The following PCDHA12 variants were observed in gnomAD, a reference collection of about 807,000 sequenced individuals.
PCDHA12 encodes protocadherin alpha-12.
In PCDHA12, 44 loss-of-function variants were observed where a neutral mutation model predicts 60.0. The ratio of observed to expected loss-of-function variants is 0.73; its 90% CI spans 0.58 to 0.94. PCDHA12 has a LOEUF of 0.94. Ranked by LOEUF, PCDHA12 falls within the 40% of genes least tolerant of loss-of-function variation. PCDHA12 has a pLI of 0.00. For synonymous variants in PCDHA12, 569 were observed against 553.0 expected, an observed-to-expected ratio of 1.03 and a Z score of -0.40; for missense variants, 1,276 against 1,239.7, an observed-to-expected ratio of 1.03 and a Z score of -0.44.
chr5:140,877,501 A>G lies in PCDHA12; in HGVS notation c.2029A>G (p.Lys677Glu), dbSNP rs2057165784. The change falls in exon 1 of 4, where the codon AAG becomes GAG. Residue 677 changes from lysine to glutamate, a missense_variant. Lys to Glu is a moderately conservative substitution (Grantham distance 56). Coordinates refer to ENST00000398631, the MANE Select transcript of PCDHA12 (RefSeq NM_018903.4). ...GCTGGTGGAGAACGGCCAGGCCCCA[A>G]AGACGTCGTCGCGGGCCTCAGTGGG... ...VSLVENGQAPKTSSRASVGAV... is the reference protein window; with the variant it reads ...VSLVENGQAPETSSRASVGAV... 3.1e-6 allele frequency: 5 copies of G among 1,613,804 alleles called. No homozygotes were observed. In the East Asian group the frequency reaches 1.1e-4, roughly 36 times the overall value.
chr5:140,923,963 A>G (rs1172303229), intron 1 of PCDHA12, among the ~76,000 whole-genome samples: 1 of 152,188 alleles, frequency 6.6e-6, no homozygotes, highest in African/African-American at 2.4e-5. Context: ...CCTAATCTAT[A>G]CCCACACATA....
Position 140,918,963 on chromosome 5 carries a change from A to C in PCDHA12, c.2367+41124A>C, listed in dbSNP as rs74470631. ...TAATATCCTGAACAGACTAAGACAGATATCGTTTAGGTTAGTTGGTTTTTA... is the reference window on the plus strand; with the variant it reads ...TAATATCCTGAACAGACTAAGACAGCTATCGTTTAGGTTAGTTGGTTTTTA... On this transcript the variant is annotated intron_variant, in intron 1 of 3. Transcript: ENST00000398631. Among the ~76,000 whole-genome samples the C allele has an allele frequency of 4.6e-3, 702 of 152,330 alleles. 2 individuals are homozygous for C. Among genetic ancestry groups the C allele is most frequent in the African/African-American group, 0.016 (679 of 41,576 alleles).
At position 140,877,599 on chromosome 5, in the gene PCDHA12, C is replaced by T. The variant is rs1325384029; in HGVS notation, c.2127C>T (p.Ser709=). The change falls in exon 1 of 4, where the codon AGC becomes AGT. Residue 709 remains serine, a synonymous_variant. Transcript: ENST00000398631. ...YLIIAICAVS[S]LLVLTLLLYT... is the part of the protein sequence containing the mutation. ...TCATCGCCATCTGTGCGGTGTCCAGCCTGCTGGTGCTCACGCTGCTGCTGT... is the reference window on the plus strand; with the variant it reads ...TCATCGCCATCTGTGCGGTGTCCAGTCTGCTGGTGCTCACGCTGCTGCTGT... The T allele has an allele frequency of 3.1e-6, 5 of 1,613,882 alleles. No homozygotes were observed. The highest frequency in any genetic ancestry group is 2.2e-5 in the East Asian group (1 of 44,872).
At chr5:140,968,355 G>A in intron 1 of PCDHA12, 1 of 1,614,080 alleles carries the variant, frequency 6.2e-7, no homozygotes, top group South Asian at 1.1e-5. Context: ...GCCAGTGGCA[G>A]CCTTTATGCT....
chr5:140,993,786 C>G (rs2097581960), intron 3 of PCDHA12, among the ~76,000 whole-genome samples: 1 of 152,162 alleles, frequency 6.6e-6, no homozygotes, highest in Admixed American at 6.5e-5. Flanking sequence ...TGTACAGTAA[C>G]ATGCTGTGCA....
intron 1 of PCDHA12, chr5:140,969,244 G>C: frequency 6.2e-7 from 1 of 1,614,206 alleles, no homozygotes; most frequent in Non-Finnish European, 8.5e-7. Flanking sequence ...AAGCAGCAGT[G>C]ACTGACAGCA....
At chr5:140,916,323 C>G (rs1035282237) in intron 1 of PCDHA12, among the ~76,000 whole-genome samples, 2 of 152,210 alleles carry the variant, frequency 1.3e-5, no homozygotes. Flanking sequence ...ACAAAGTCCC[C>G]TTTACTTTTT....
chr5:140,926,806 C>T, intron 1 of PCDHA12: 1 of 1,456,722 alleles, frequency 6.9e-7, no homozygotes, highest in Non-Finnish European at 9.0e-7. Flanking sequence ...CTCTTCCCCG[C>T]GGCTCGTGCT....
At chr5:140,992,019 G>C (rs1326705755) in intron 3 of PCDHA12, among the ~76,000 whole-genome samples, 2 of 50,642 alleles carry the variant, frequency 3.9e-5, no homozygotes, top group African/African-American at 6.0e-5. Context: ...AGGTGGCTCT[G>C]TGTGTGTGTG....
At chr5:140,928,165 C>T (rs1554205580) in intron 1 of PCDHA12, 3 of 1,614,200 alleles carry the variant, frequency 1.9e-6, no homozygotes, top group East Asian at 2.2e-5. Context: ...CTCACCCCCA[C>T]TTAGCACCCG....
rs149972776 is a variant in PCDHA12, at chr5:140,883,738, C to G, written c.2367+5899C>G. On this transcript the variant is annotated intron_variant, in intron 1 of 3. Transcript: ENST00000398631. The stretch of plus-strand genomic sequence containing the variant: ...CGGACGCACAGGAGAACGCGCTGGT[C>G]TCCTACTCGCTGGTGGAGCGGCGGG... 852 of 1,613,378 alleles carry G rather than the reference C, an allele frequency of 5.3e-4. 5 individuals carry two copies. In the African/African-American group the frequency reaches 9.2e-3, roughly 17 times the overall value.
chr5:141,001,126 C>A (rs2097993222), intron 3 of PCDHA12, among the ~76,000 whole-genome samples: 1 of 151,970 alleles, frequency 6.6e-6, no homozygotes, highest in African/African-American at 2.4e-5. Context: ...AGTCCTTAAA[C>A]AAATGAATCT....
chr5:140,957,702 A>C (rs930331275), intron 1 of PCDHA12, among the ~76,000 whole-genome samples: 4 of 152,158 alleles, frequency 2.6e-5, no homozygotes, highest in Non-Finnish European at 5.9e-5. Context: ...AACATTATGT[A>C]GTTTTTATTA....
intron 3 of PCDHA12, among the ~76,000 whole-genome samples, chr5:141,005,129 C>T (rs1554259896): frequency 6.6e-6 from 1 of 152,180 alleles, no homozygotes; most frequent in African/African-American, 2.4e-5. Context: ...CCAAAAGTGC[C>T]TCATTGGAGA....
At chr5:140,917,337 G>GA (rs1240219857) in intron 1 of PCDHA12, among the ~76,000 whole-genome samples, 3 of 142,560 alleles carry the variant, frequency 2.1e-5, no homozygotes, top group Non-Finnish European at 4.7e-5. Context: ...GGGAGGGGGG[G>GA]GATGGTGTAG....
chr5:140,876,434 A>G lies in PCDHA12; in HGVS notation c.962A>G (p.Asn321Ser), dbSNP rs2056340599. The change falls in exon 1 of 4, where the codon AAC (asparagine) becomes AGC (serine). Residue 321 changes from asparagine to serine, a missense_variant. Coordinates refer to ENST00000398631, the MANE Select transcript of PCDHA12 (RefSeq NM_018903.4). Reference protein sequence around the residue: ...EENNAYEIQVNAIDKGIPSMA... With the variant: ...EENNAYEIQVSAIDKGIPSMA... ...AATAATGCCTATGAAATTCAGGTTA[A>G]CGCCATTGATAAAGGGATTCCTTCC... 2 of 1,613,976 alleles carry G rather than the reference A, an allele frequency of 1.2e-6. No individual in the cohort carries two copies. The highest frequency in any genetic ancestry group is 1.7e-6 in the Non-Finnish European group (2 of 1,179,896).
In PCDHA12 at chr5:140,882,516, T is replaced by C. The variant is rs782263799; in HGVS notation, c.2367+4677T>C. ...CTGGAGGTAAATCTGCAGAATGGCA[T>C]TTTGTTTGTGAATTCTCGGATCGAC... is the stretch of plus-strand genomic sequence containing the variant. On this transcript the variant is annotated intron_variant, in intron 1 of 3. Coordinates refer to ENST00000398631, the MANE Select transcript of PCDHA12 (RefSeq NM_018903.4). 1.4e-5 allele frequency: 22 copies of C among 1,614,068 alleles called. No individual in the cohort carries two copies. The highest frequency in any genetic ancestry group is 4.0e-5 in the African/African-American group (3 of 74,944).
intron 1 of PCDHA12, among the ~76,000 whole-genome samples, chr5:140,892,881 A>G (rs1562868071): frequency 6.6e-6 from 1 of 152,120 alleles, no homozygotes. Context: ...TTTCGTATCC[A>G]TTAACCAACC....
intron 1 of PCDHA12, among the ~76,000 whole-genome samples, chr5:140,921,661 A>C (rs1554200347): frequency 1.3e-5 from 2 of 152,226 alleles, no homozygotes; most frequent in African/African-American, 4.8e-5. Context: ...CTTAATAAAA[A>C]TTTAACAGTT....
Sources: allele counts gnomAD v4.1 joint callset (sites outside exome capture counted in the v4.1 genomes callset), GRCh38; gene constraint gnomAD v4.1.1; transcripts MANE v1.5; gene names NCBI Gene and HGNC (gene_info 2026-07-23, HGNC 2026-07-21).